The following PDE8A variants were observed in gnomAD, a reference collection of about 807,000 sequenced individuals.
PDE8A encodes the protein high affinity cAMP-specific and IBMX-insensitive 3',5'-cyclic phosphodiesterase 8A.
Under a neutral mutation model 105.0 loss-of-function variants are expected in PDE8A, and 59 were observed. That is an observed-to-expected ratio of 0.56 (90% CI 0.46 to 0.70). PDE8A has a LOEUF of 0.70. Among genes scored for constraint, PDE8A ranks in the 30% least tolerant of loss-of-function variants. PDE8A has a pLI of 0.00. For synonymous variants in PDE8A, 355 were observed against 371.9 expected (o/e 0.95, Z 0.52); for missense variants, 1,014 against 1,045.9 (o/e 0.97, Z 0.42).
At chr15:85,085,322 G>C (rs1470006006) in intron 6 of PDE8A, among the ~76,000 whole-genome samples, 1 of 152,192 alleles carries the variant, frequency 6.6e-6, no homozygotes, top group South Asian at 2.1e-4. Context: ...GAGAAATAGA[G>C]TCTTGTTCTT....
chr15:85,034,745 A>G (rs895804364), intron 1 of PDE8A, among the ~76,000 whole-genome samples: 2 of 152,184 alleles, frequency 1.3e-5, no homozygotes, highest in African/African-American at 2.4e-5. Context: ...ACAGGGTCTC[A>G]CTATGTTGCC....
chr15:85,097,154 A>G (rs2081769226), intron 8 of PDE8A, among the ~76,000 whole-genome samples: 1 of 151,920 alleles, frequency 6.6e-6, no homozygotes, highest in Non-Finnish European at 1.5e-5. Context: ...AGGGATTTCC[A>G]TAGTTTAAGG....
At chr15:85,012,507 A>G (rs1040734833) in intron 1 of PDE8A, among the ~76,000 whole-genome samples, 4 of 130,974 alleles carry the variant, frequency 3.1e-5, no homozygotes, top group East Asian at 2.5e-4. Flanking sequence ...ATGAGAACAC[A>G]TGGACACAGG....
In PDE8A at chr15:85,001,534, G is replaced by C. The variant is rs550479456; in HGVS notation, c.186+19186G>C. ...TTGAGGACCCAGAGAGTGGAAGAAG[G>C]TCACGGAGAATGGATGGATATCCTA... On this transcript the variant is annotated intron_variant, in intron 1 of 21. Coordinates refer to ENST00000394553, the MANE Select transcript of PDE8A (RefSeq NM_002605.3). Among the ~76,000 whole-genome samples the C allele has an allele frequency of 4.4e-4, 67 of 152,316 alleles. 1 individual carries two copies. In the South Asian group the frequency reaches 0.013, roughly 31 times the overall value.
At chr15:85,060,377 C>T (rs1158865448) in intron 1 of PDE8A, among the ~76,000 whole-genome samples, 1 of 152,116 alleles carries the variant, frequency 6.6e-6, no homozygotes, top group Non-Finnish European at 1.5e-5. Context: ...AGTTGGTCCT[C>T]CATATTGGTG....
intron 1 of PDE8A, among the ~76,000 whole-genome samples, chr15:85,060,710 A>C (rs1016102819): frequency 6.6e-6 from 1 of 152,188 alleles, no homozygotes; most frequent in African/African-American, 2.4e-5. Flanking sequence ...TAAAATGCAA[A>C]ATGTAGTTAC....
chr15:85,043,966 G>A (rs2080850967), intron 1 of PDE8A, among the ~76,000 whole-genome samples: 1 of 152,128 alleles, frequency 6.6e-6, no homozygotes, highest in Admixed American at 6.6e-5. Context: ...CAAAGTGCTG[G>A]GATTACAGGC....
intron 5 of PDE8A, among the ~76,000 whole-genome samples, chr15:85,081,415 C>G (rs569484547): frequency 5.3e-5 from 8 of 152,212 alleles, no homozygotes; most frequent in African/African-American, 1.9e-4. Flanking sequence ...GCAGATAATT[C>G]TAATATGCAG....
intron 1 of PDE8A, among the ~76,000 whole-genome samples, chr15:85,052,043 A>G (rs1394770012): frequency 4.6e-5 from 7 of 150,890 alleles, no homozygotes; most frequent in South Asian, 2.1e-4. Context: ...TCATTGTTCA[A>G]TTCCCACCTA....
intron 3 of PDE8A, among the ~76,000 whole-genome samples, chr15:85,073,729 G>A (rs1596491590): frequency 6.6e-6 from 1 of 152,192 alleles, no homozygotes; most frequent in Non-Finnish European, 1.5e-5. Context: ...TGTGAGTCAC[G>A]CCTTATTCCC....
intron 1 of PDE8A, among the ~76,000 whole-genome samples, chr15:85,034,368 C>T (rs2080667816): frequency 1.3e-5 from 2 of 152,044 alleles, no homozygotes; most frequent in South Asian, 4.2e-4. Flanking sequence ...GGAAAAACTA[C>T]AGCAAAGTAG....
At chr15:85,014,318 A>G (rs974169401) in intron 1 of PDE8A, among the ~76,000 whole-genome samples, 1 of 152,094 alleles carries the variant, frequency 6.6e-6, no homozygotes, top group African/African-American at 2.4e-5. Context: ...GGCCACAGTC[A>G]TCACATATTT....
intron 18 of PDE8A, among the ~76,000 whole-genome samples, chr15:85,122,411 T>G (rs1308139689): frequency 1.3e-5 from 2 of 152,222 alleles, no homozygotes; most frequent in Non-Finnish European, 2.9e-5. Context: ...TAAAACTCCT[T>G]TCTGCCATGT....
chr15:85,127,163 A>G (rs1013182458), intron 20 of PDE8A, among the ~76,000 whole-genome samples: 1 of 152,142 alleles, frequency 6.6e-6, no homozygotes, highest in Non-Finnish European at 1.5e-5. Context: ...ATGTCACTGC[A>G]CTCCAACCTG....
chr15:85,136,063 C>T (rs1475788731), intron 20 of PDE8A, among the ~76,000 whole-genome samples: 1 of 152,074 alleles, frequency 6.6e-6, no homozygotes, highest in Admixed American at 6.6e-5. Context: ...GGATGTGAGC[C>T]CCCTTAGTTG....
chr15:85,039,088 T>C (rs2080757200), intron 1 of PDE8A, among the ~76,000 whole-genome samples: 1 of 150,184 alleles, frequency 6.7e-6, no homozygotes, highest in Non-Finnish European at 1.5e-5. Flanking sequence ...GCCATTGCAC[T>C]CCAGCCTTAG....
intron 1 of PDE8A, among the ~76,000 whole-genome samples, chr15:84,988,852 A>G (rs914578110): frequency 2.0e-5 from 3 of 152,180 alleles, no homozygotes; most frequent in Non-Finnish European, 2.9e-5. Flanking sequence ...TAGTTTCCTT[A>G]TAGTTCCCAA....
At chr15:85,106,689 TC>T (rs2081952251) in intron 11 of PDE8A, among the ~76,000 whole-genome samples, 2 of 152,152 alleles carry the variant, frequency 1.3e-5, no homozygotes, top group Non-Finnish European at 2.9e-5. Context: ...TCAAGGCTGT[TC>T]CAGAGATGGA....
At chr15:84,980,985 C>T (rs2079697377), upstream of PDE8A, among the ~76,000 whole-genome samples, 1 of 152,224 alleles carries the variant, frequency 6.6e-6, no homozygotes, top group South Asian at 2.1e-4. Flanking sequence ...GCCCCACCCA[C>T]CCGGGACCCG....
Sources: allele counts gnomAD v4.1 joint callset (sites outside exome capture counted in the v4.1 genomes callset), GRCh38; gene constraint gnomAD v4.1.1; transcripts MANE v1.5; gene names NCBI Gene and HGNC (gene_info 2026-07-23, HGNC 2026-07-21).